Variants in NUP188 observed in about 807,000 individuals in gnomAD.
NUP188 encodes nucleoporin 188.
Under a neutral mutation model 223.0 loss-of-function variants are expected in NUP188, and 97 were observed. That is an observed-to-expected ratio of 0.43 (90% CI 0.37 to 0.51). The LOEUF (loss-of-function observed/expected upper bound fraction) is 0.51, where lower values mean the gene tolerates loss of function less well. Among genes scored for constraint, NUP188 ranks in the 20% least tolerant of loss-of-function variants. The pLI is 0.00. For synonymous variants in NUP188, 869 were observed against 828.0 expected (o/e 1.05, Z -0.85); for missense variants, 1,947 against 2,175.6 (o/e 0.89, Z 2.09).
chr9:128,973,364 G>A, intron 12 of NUP188, 115 bp downstream of exon 12: 1 of 661,524 alleles, frequency 1.5e-6, no homozygotes, highest in Non-Finnish European at 2.6e-6. Context: ...TTTGTTTACT[G>A]GCACTCATTT....
At chr9:129,006,161 C>T (rs1288978214) in intron 42 of NUP188, 38 bp downstream of exon 42, 14 of 1,613,908 alleles carry the variant, frequency 8.7e-6, no homozygotes, top group Non-Finnish European at 1.1e-5. Flanking sequence ...GGGGCTGGGG[C>T]AGTCATGGGC....
rs560384616 is a variant in NUP188 at position 128,956,819 on chromosome 9, T to C, written c.247-133T>C. 364 of 599,364 alleles carry C rather than the reference T, an allele frequency of 6.1e-4. No individual in the cohort carries two copies. The African/African-American group carries it at 6.3e-3, about 10-fold the overall frequency. 37.1% of individuals were successfully genotyped at this position (599,364 alleles called of 1,614,324 possible). ...TCTTCTATTAGAGTCAGAATTGTTA[T>C]GTTTTATGAATCTTTGAGAAGCATT... On this transcript the variant is annotated intron_variant, in intron 4 of 43. Transcript: ENST00000372577.
chr9:128,982,446 T>G, intron 15 of NUP188, 103 bp from the exon 16 acceptor site: 156 of 1,085,146 alleles, frequency 1.4e-4, no homozygotes, highest in Non-Finnish European at 1.9e-4. Context: ...AAAATGTCTG[T>G]GAGTTTGTGT....
In NUP188 at chr9:128,973,237, G is replaced by A. The variant is rs746911043; in HGVS notation, c.1191G>A (p.Leu397=). 5.0e-6 allele frequency: 8 copies of A among 1,612,610 alleles called. No individual in the cohort carries two copies. In the African/African-American group the frequency reaches 8.0e-5, roughly 16 times the overall value. ...TGACCTCGTTGGAGCTGCACACCCT[G>A]GGCAATCAGCAGGTCAGTGTCTGGC... is the stretch of plus-strand genomic sequence containing the variant. ...FVLTSLELHT[L]GNQQDIIDTA... The change falls in exon 12 of 44, where the codon CTG becomes CTA. Residue 397 remains leucine (L), a synonymous_variant. Transcript: ENST00000372577.
At chr9:128,990,942 C>T (rs959753145) in intron 25 of NUP188, among the ~76,000 whole-genome samples, 2 of 151,480 alleles carry the variant, frequency 1.3e-5, no homozygotes, top group Non-Finnish European at 2.9e-5. Flanking sequence ...TGCTTGAACC[C>T]GGGAGGCAGA....
intron 38 of NUP188, chr9:129,004,924 G>T: frequency 1.7e-6 from 1 of 589,564 alleles, no homozygotes; most frequent in Non-Finnish European, 3.0e-6. Flanking sequence ...TGGCTATAGG[G>T]GCTTTAAGCT....
chr9:128,987,608 T>C lies in NUP188; in HGVS notation c.2284T>C (p.Phe762Leu). 1.2e-6 allele frequency: 2 copies of C among 1,613,300 alleles called. No individual in the cohort carries two copies. Among genetic ancestry groups the C allele is most frequent in the South Asian group, 1.1e-5 (1 of 90,890 alleles). ...LHSSHTPSLQ[F>L]LCICSLAYTE... ...TTCCAGTCATACTCCCAGCCTGCAG[T>C]TTCTCTGCATCTGCAGCCTGGCATA... The change falls in exon 23 of 44, where the codon TTT becomes CTT. Residue 762 changes from phenylalanine to leucine, a missense_variant. Physicochemically the swap from Phe to Leu is conservative, Grantham distance 22. Around this residue, in one of 3 missense-constraint regions of NUP188, gnomAD observed 225 missense variants for 319.1 expected, o/e 0.71. Coordinates refer to ENST00000372577, the MANE Select transcript of NUP188 (RefSeq NM_015354.3).
At position 129,007,071 on chromosome 9, in the gene NUP188, A is replaced by G. The variant is rs777664892; in HGVS notation, c.*393A>G. Reference sequence around the variant, plus strand: ...TGGTAATTCTGTGGTCTATTTATACAGATATTAAAATCTTGTTTATAGACA... The same window carrying G: ...TGGTAATTCTGTGGTCTATTTATACGGATATTAAAATCTTGTTTATAGACA... On this transcript the variant is annotated 3_prime_UTR_variant, in exon 44 of 44. Coordinates refer to ENST00000372577, the MANE Select transcript of NUP188 (RefSeq NM_015354.3). The G allele has an allele frequency of 4.8e-5, 8 of 165,254 alleles. 1 individual carries two copies. The highest frequency in any genetic ancestry group is 1.0e-4 in the Non-Finnish European group (8 of 77,372). 10.2% of individuals were successfully genotyped at this position (165,254 alleles called of 1,614,324 possible). A position where few individuals can be genotyped will look rare whatever the true frequency, so the allele number is the denominator to read the frequency against.
chr9:128,952,372 C>T (rs1177049490), intron 2 of NUP188, among the ~76,000 whole-genome samples: 2 of 147,984 alleles, frequency 1.4e-5, no homozygotes, highest in African/African-American at 5.0e-5. Flanking sequence ...GCACTCCATC[C>T]TGGGTAACAG....
chr9:129,002,903 C>G lies in NUP188; in HGVS notation c.4224C>G (p.Leu1408=). Residue 1408 remains leucine, a synonymous_variant, in exon 37 of 44, where the codon CTC becomes CTG. Transcript: ENST00000372577. ...RLSMSLMEQL[L]KTLRYNFLPE... ...CCATGTCCCTGATGGAGCAGCTGCT[C>G]AAAACTCTGCGCTACAACTTCCTGC... 1.9e-6 allele frequency: 3 copies of G among 1,614,216 alleles called. No individual in the cohort carries two copies. Among genetic ancestry groups the G allele is most frequent in the Non-Finnish European group, 2.5e-6 (3 of 1,180,036 alleles).
At chr9:128,970,389 G>A (rs1187111777) in intron 10 of NUP188, among the ~76,000 whole-genome samples, 1 of 152,144 alleles carries the variant, frequency 6.6e-6, no homozygotes, top group Admixed American at 6.6e-5. Flanking sequence ...CTGCATTTAA[G>A]GAGCCTGTGA....
intron 25 of NUP188, among the ~76,000 whole-genome samples, chr9:128,990,998 A>G (rs992889487): frequency 6.6e-6 from 1 of 152,222 alleles, no homozygotes; most frequent in African/African-American, 2.4e-5. Flanking sequence ...AGCCTGGGCG[A>G]CAGAGCGAGA....
chr9:128,984,913 A>T lies in NUP188; in HGVS notation c.1975A>T (p.Asn659Tyr). Residue 659 changes from asparagine (N) to tyrosine (Y), a missense_variant, in exon 20 of 44, where the codon AAT (asparagine) becomes TAT (tyrosine). Physicochemically the swap from Asn to Tyr is moderately radical, Grantham distance 143 (BLOSUM62 -2). This residue lies in a region of NUP188 where 817 missense variants were observed against 865.8 expected (regional missense o/e 0.94). Coordinates refer to ENST00000372577, the MANE Select transcript of NUP188 (RefSeq NM_015354.3). The part of the protein sequence containing the change: ...LSQMISAEGM[N>Y]AGGYGNLLMN... ...TTCTTTTTCCAGTGCGGAAGGGATG[A>T]ATGCTGGAGGGTACGGAAACCTCTT... 1 of 1,609,768 alleles carries T rather than the reference A, an allele frequency of 6.2e-7. No homozygotes were observed. Among genetic ancestry groups the T allele is most frequent in the Admixed American group, 1.7e-5 (1 of 59,166 alleles).
At chr9:128,975,573 G>T (rs1404145439) in intron 12 of NUP188, among the ~76,000 whole-genome samples, 1 of 148,026 alleles carries the variant, frequency 6.8e-6, no homozygotes, top group Non-Finnish European at 1.5e-5. Flanking sequence ...AGGCTGGAGA[G>T]TAAGTAGCGT....
At chr9:128,994,812 A>G (rs374991530) in intron 28 of NUP188, 44 bp from the exon 29 acceptor site, 7 of 1,483,738 alleles carry the variant, frequency 4.7e-6, no homozygotes, top group Non-Finnish European at 6.6e-6. Flanking sequence ...GGGGGAGATC[A>G]GTGATCAGAG....
rs949965817 is a variant in NUP188, at chr9:128,999,495, C to T, written c.3662-129C>T. On this transcript the variant is annotated intron_variant, in intron 33 of 43. Coordinates refer to ENST00000372577, the MANE Select transcript of NUP188 (RefSeq NM_015354.3). Reference sequence around the variant, plus strand: ...CCCTCATGTGTCTCTCCCTCCTCTCCCACTGGACAGATGCTGTCCCTCCTA... The same window carrying T: ...CCCTCATGTGTCTCTCCCTCCTCTCTCACTGGACAGATGCTGTCCCTCCTA... The T allele has an allele frequency of 3.4e-6, 4 of 1,183,428 alleles. No homozygotes were observed. The African/African-American group carries it at 6.0e-5, about 18-fold the overall frequency. The allele number at this position is 1,183,428 out of a possible 1,614,324, so 73.3% of individuals were successfully genotyped here.
intron 8 of NUP188, among the ~76,000 whole-genome samples, chr9:128,966,246 GTC>G (rs1554828502): frequency 3.8e-5 from 5 of 133,092 alleles, no homozygotes; most frequent in South Asian, 2.4e-4. Flanking sequence ...TTCTGTCTCT[GTC>G]TGTCTCTGTG....
intron 3 of NUP188, 102 bp from the exon 4 acceptor site, chr9:128,956,248 A>G: frequency 3.5e-6 from 2 of 576,460 alleles, no homozygotes; most frequent in South Asian, 5.0e-5. Context: ...TAGGCATCTG[A>G]AGGGCAGAAA....
Position 129,006,653 on chromosome 9 carries a change from C to T in NUP188, c.5225C>T (p.Ala1742Val), listed in dbSNP as rs1260351344. 22 of 1,613,730 alleles carry T rather than the reference C, an allele frequency of 1.4e-5. No individual in the cohort carries two copies. Among genetic ancestry groups the T allele is most frequent in the African/African-American group, 5.3e-5 (4 of 74,928 alleles). The change falls in exon 44 of 44, where the codon GCG becomes GTG. Residue 1742 changes from alanine to valine, a missense_variant. Physicochemically the swap from Ala to Val is moderately conservative, Grantham distance 64. Around this residue, in one of 3 missense-constraint regions of NUP188, gnomAD observed 905 missense variants for 990.6 expected, o/e 0.91. Coordinates refer to ENST00000372577, the MANE Select transcript of NUP188 (RefSeq NM_015354.3). Reference protein sequence around the residue: ...SQEPLIQLVQAFVRHMQR With the variant: ...SQEPLIQLVQVFVRHMQR Reference sequence around the variant, plus strand: ...GAGCCTCTGATCCAGTTGGTGCAGGCGTTTGTCCGGCATATGCAAAGATAG... The same window carrying T: ...GAGCCTCTGATCCAGTTGGTGCAGGTGTTTGTCCGGCATATGCAAAGATAG...
Sources: gnomAD v4.1 joint callset for allele counts (sites outside exome capture counted in the v4.1 genomes callset) on GRCh38, gnomAD v4.1.1 for gene constraint, gnomAD v4.1.1 regional missense constraint, MANE v1.5 for transcripts, NCBI Gene and HGNC (gene_info 2026-07-23, HGNC 2026-07-21) for gene names.